SAMM50: variants seen among roughly 807,000 people sequenced by gnomAD.
The protein encoded by SAMM50 is SAMM50 sorting and assembly machinery component, also known as sorting and assembly machinery component 50 homolog.
Under a neutral mutation model 66.9 loss-of-function variants are expected in SAMM50, and 47 were observed. The ratio of observed to expected loss-of-function variants is 0.70; its 90% CI spans 0.56 to 0.90. The LOEUF is 0.90. SAMM50 is among the 40% of genes least tolerant of loss of function. The pLI is 0.00. For missense variants in SAMM50, 535 were observed against 595.3 expected, an observed-to-expected ratio of 0.90 and a Z score of 1.05; for synonymous variants, 191 against 214.1, an observed-to-expected ratio of 0.89 and a Z score of 0.94.
chr22:43,989,415 C>T (rs1400283709), intron 13 of SAMM50, among the ~76,000 whole-genome samples, 158 bp downstream of exon 13: 1 of 149,700 alleles, frequency 6.7e-6, no homozygotes, highest in Non-Finnish European at 1.5e-5. Flanking sequence ...CGGCTCACTG[C>T]AACCTCCACC....
chr22:43,974,276 C>G (rs2050219847), intron 7 of SAMM50, among the ~76,000 whole-genome samples: 1 of 152,118 alleles, frequency 6.6e-6, no homozygotes, highest in Non-Finnish European at 1.5e-5. Flanking sequence ...CTCCAAGAAC[C>G]CAGCAGAAGC....
chr22:43,994,167 C>A (rs2050340372), intron 14 of SAMM50, among the ~76,000 whole-genome samples: 1 of 152,184 alleles, frequency 6.6e-6, no homozygotes, highest in Admixed American at 6.5e-5. Flanking sequence ...GCAGAAGACA[C>A]GCAGGGACAG....
chr22:43,964,938 C>T (rs552139638), intron 3 of SAMM50, among the ~76,000 whole-genome samples: 1 of 152,198 alleles, frequency 6.6e-6, no homozygotes, highest in East Asian at 1.9e-4. Context: ...TTATCTGGGA[C>T]ACACTCCCTG....
chr22:43,990,406 G>C lies in SAMM50; in HGVS notation c.1364G>C (p.Arg455Thr), dbSNP rs2050317484. 2 of 1,613,536 alleles carry C rather than the reference G, an allele frequency of 1.2e-6. No individual in the cohort carries two copies. Among genetic ancestry groups the C allele is most frequent in the East Asian group, 4.5e-5 (2 of 44,882 alleles). ...CCCATGGGAGTACAGACAGGCGACAGGTACGTGTTGGGAATTATTTTCCAC... is the reference window on the plus strand; with the variant it reads ...CCCATGGGAGTACAGACAGGCGACACGTACGTGTTGGGAATTATTTTCCAC... ...CVPMGVQTGD[R>T]ICDGVQFGAG... Residue 455 changes from arginine (R) to threonine (T), a missense_variant and splice_region_variant, in exon 14 of 15, where the codon AGG becomes ACG. Physicochemically the swap from Arg to Thr is moderately conservative, Grantham distance 71. Transcript: ENST00000350028.
chr22:43,981,257 C>T (rs1046275140), intron 10 of SAMM50, 134 bp from the exon 11 acceptor site: 3 of 693,422 alleles, frequency 4.3e-6, no homozygotes, highest in Non-Finnish European at 5.3e-6. Flanking sequence ...CAGGCATTCT[C>T]CTGCGGCCCT....
chr22:43,976,347 C>T (rs1393072478), intron 8 of SAMM50, among the ~76,000 whole-genome samples, 164 bp downstream of exon 8: 3 of 152,178 alleles, frequency 2.0e-5, no homozygotes, highest in African/African-American at 7.2e-5. Context: ...TGTCCTGCCT[C>T]GCGTGGTCCT....
At position 43,963,268 on chromosome 22, in the gene SAMM50, T is replaced by A; in HGVS notation, c.22-18T>A. ...ATGTGACAAAGTCATTTATCTGTGG[T>A]CGCTCCCTCCCTTTCAGAGTTTGGA... is the stretch of plus-strand genomic sequence containing the variant. On this transcript the variant is annotated intron_variant, in intron 1 of 14. Coordinates refer to ENST00000350028, the MANE Select transcript of SAMM50 (RefSeq NM_015380.5). 1 of 1,503,608 alleles carries A rather than the reference T, an allele frequency of 6.7e-7. No individual in the cohort carries two copies. Among genetic ancestry groups the A allele is most frequent in the Non-Finnish European group, 9.2e-7 (1 of 1,090,250 alleles). 93.1% of individuals were successfully genotyped at this position (1,503,608 alleles called of 1,614,324 possible). A position where few individuals can be genotyped will look rare whatever the true frequency, so the allele number is the denominator to read the frequency against.
intron 1 of SAMM50, chr22:43,957,376 G>T: frequency 2.1e-6 from 1 of 476,844 alleles, no homozygotes; most frequent in South Asian, 2.6e-5. Flanking sequence ...AAATCAATGT[G>T]GATTTGTGCT....
chr22:43,993,013 T>C (rs2146830148), intron 14 of SAMM50, among the ~76,000 whole-genome samples: 1 of 152,390 alleles, frequency 6.6e-6, no homozygotes, highest in South Asian at 2.1e-4. Context: ...AGGCTGGTTT[T>C]GCAAGTTTCT....
intron 3 of SAMM50, 83 bp downstream of exon 3, chr22:43,964,636 C>G (rs949744287): frequency 5.4e-6 from 4 of 746,496 alleles, no homozygotes; most frequent in Admixed American, 4.3e-5. Flanking sequence ...CACAGAGCAC[C>G]CTGCGCCCGG....
Position 43,977,946 on chromosome 22 carries a change from CAT to C in SAMM50, c.927_928del (p.Phe310Ter), listed in dbSNP as rs1369401603. Reference sequence around the variant, plus strand: ...TTGAACTTCAGTTGAACAAGCAACTCATATTTGATTCAGTGAGTATCTAACGG... The same window carrying C: ...TTGAACTTCAGTTGAACAAGCAACTCATTTGATTCAGTGAGTATCTAACGG... Reference protein sequence around the residue: ...DFELQLNKQLIFDSVFSASFW... With the variant: ...DFELQLNKQLXFDSVFSASFW... On this transcript the variant is annotated frameshift_variant, in exon 10 of 15. Transcript: ENST00000350028. LOFTEE classifies it high-confidence loss of function. 6.2e-7 allele frequency: 1 copy of C among 1,611,030 alleles called. No homozygotes were observed. Among genetic ancestry groups the C allele is most frequent in the South Asian group, 1.1e-5 (1 of 90,736 alleles).
rs989777075 is a variant in SAMM50, at chr22:43,983,168, C to T, written c.1008-765C>T. On this transcript the variant is annotated intron_variant, in intron 11 of 14. Coordinates refer to ENST00000350028, the MANE Select transcript of SAMM50 (RefSeq NM_015380.5). The surrounding 1 kb of genome is among the most constrained non-coding windows in gnomAD (Gnocchi z 4.2). ...GACCTGCAGGGTGTTCTTAGCCTCC[C>T]GCGGCCTCAAAGGTCAGAGGGCTCT... is the stretch of plus-strand genomic sequence containing the variant. Among the ~76,000 whole-genome samples, 13 of 152,328 alleles carry T rather than the reference C, an allele frequency of 8.5e-5. No homozygotes were observed. The South Asian group carries it at 1.0e-3, about 12-fold the overall frequency.
chr22:43,990,245 A>G lies in SAMM50; in HGVS notation c.1223-20A>G. ...GAAGGACGGGCACGCACTGTTGCTC[A>G]CAGGTCTTTCTCTTTTCAGGGGAGG... On this transcript the variant is annotated intron_variant, in intron 13 of 14. Transcript: ENST00000350028. 1 of 1,614,128 alleles carries G rather than the reference A, an allele frequency of 6.2e-7. No individual in the cohort carries two copies. The highest frequency in any genetic ancestry group is 8.5e-7 in the Non-Finnish European group (1 of 1,179,980).
intron 10 of SAMM50, among the ~76,000 whole-genome samples, chr22:43,981,091 G>C (rs916130544): frequency 5.9e-5 from 9 of 152,248 alleles, no homozygotes; most frequent in African/African-American, 2.2e-4. Flanking sequence ...CCTGCTGCTG[G>C]GCGTCACTTC....
chr22:43,972,282 T>C lies in SAMM50; in HGVS notation c.369T>C (p.Thr123=), dbSNP rs776763340. The change falls in exon 5 of 15, where the codon ACT becomes ACC. Residue 123 remains threonine, a synonymous_variant. Coordinates refer to ENST00000350028, the MANE Select transcript of SAMM50 (RefSeq NM_015380.5). ...GGTTAGACGTTACCTTTGAAGTAAC[T>C]GAATTGAGGAGATTAACGGGCAGTT... ...PNGLDVTFEV[T]ELRRLTGSYN... 1.2e-6 allele frequency: 2 copies of C among 1,607,042 alleles called. No individual in the cohort carries two copies. The highest frequency in any genetic ancestry group is 8.5e-7 in the Non-Finnish European group (1 of 1,178,130).
At chr22:43,977,470 G>C (rs760500461) in intron 9 of SAMM50, among the ~76,000 whole-genome samples, 1 of 152,214 alleles carries the variant, frequency 6.6e-6, no homozygotes, top group African/African-American at 2.4e-5. Flanking sequence ...AAAGCCCGGG[G>C]GTGCCTGACC....
intron 3 of SAMM50, among the ~76,000 whole-genome samples, chr22:43,966,296 G>A (rs1470163980): frequency 2.0e-5 from 3 of 152,058 alleles, no homozygotes; most frequent in Admixed American, 1.3e-4. Flanking sequence ...GTCAAAGTGT[G>A]CGCACTCTGC....
chr22:43,967,123 T>C (rs772886960), intron 3 of SAMM50, among the ~76,000 whole-genome samples: 8 of 152,188 alleles, frequency 5.3e-5, no homozygotes, highest in Non-Finnish European at 1.0e-4. Flanking sequence ...CATCCTTAAG[T>C]GTTGCTTTTC....
intron 12 of SAMM50, among the ~76,000 whole-genome samples, chr22:43,986,045 T>TTC (rs10629308): frequency 0.02 from 2,667 of 136,720 alleles, 66 homozygotes; most frequent in African/African-American, 0.072. Flanking sequence ...CTTTCTTTCT[T>TTC]TTTTTTTTTT....
Sources: gnomAD v4.1 joint callset for allele counts (sites outside exome capture counted in the v4.1 genomes callset) on GRCh38, gnomAD v4.1.1 for gene constraint, Gnocchi (gnomAD v3.1) non-coding constraint, MANE v1.5 for transcripts, NCBI Gene and HGNC (gene_info 2026-07-23, HGNC 2026-07-21) for gene names.